ADGRV1: variants seen among roughly 807,000 people sequenced by gnomAD.
The protein encoded by ADGRV1 is G-protein coupled receptor 98.
In ADGRV1, 359 loss-of-function variants were observed where a neutral mutation model predicts 596.2. That is an observed-to-expected ratio of 0.60 (90% confidence interval 0.55 to 0.66). The LOEUF (loss-of-function observed/expected upper bound fraction) is 0.66. Among genes scored for constraint, ADGRV1 ranks in the 30% least tolerant of loss-of-function variants. ADGRV1 has a pLI of 0.00. For missense variants in ADGRV1, 7,274 were observed against 7,575.6 expected (o/e 0.96, Z 1.48); for synonymous variants, 2,681 against 2,679.2 (o/e 1.00, Z -0.02).
rs1435003118 is a variant in ADGRV1 at position 90,658,183 on chromosome 5, C to T, written c.4657C>T (p.Arg1553Cys). 1.1e-5 allele frequency: 17 copies of T among 1,584,228 alleles called. No individual in the cohort carries two copies. Among genetic ancestry groups the T allele is most frequent in the Middle Eastern group, 1.7e-4 (1 of 5,938 alleles). Reference protein sequence around the residue: ...LKLVSVYGGARISEENTTARL... With the variant: ...LKLVSVYGGACISEENTTARL... ...ACTAGTTTCTGTATATGGAGGAGCTCGTATTTCGGAAGAAAATACTACTGC... is the reference window on the plus strand; with the variant it reads ...ACTAGTTTCTGTATATGGAGGAGCTTGTATTTCGGAAGAAAATACTACTGC... Residue 1553 changes from arginine to cysteine, a missense_variant, in exon 21 of 90, where the codon CGT (arginine) becomes TGT (cysteine). By Grantham distance (180) the Arg-to-Cys change is radical. This residue lies in a region of ADGRV1 where 3,643 missense variants were observed against 3,809.2 expected (regional missense o/e 0.96). Coordinates refer to ENST00000405460, the MANE Select transcript of ADGRV1 (RefSeq NM_032119.4).
At chr5:90,857,053 T>C (rs897866776) in intron 82 of ADGRV1, among the ~76,000 whole-genome samples, 4 of 152,102 alleles carry the variant, frequency 2.6e-5, no homozygotes, top group African/African-American at 9.6e-5. Flanking sequence ...TATATAGTTA[T>C]AAATTTTCTT....
Position 90,745,679 on chromosome 5 carries a change from T to A in ADGRV1, c.10858T>A (p.Ser3620Thr), listed in dbSNP as rs774741141. 2 of 1,612,196 alleles carry A rather than the reference T, an allele frequency of 1.2e-6. No homozygotes were observed. Among genetic ancestry groups the A allele is most frequent in the Non-Finnish European group, 1.7e-6 (2 of 1,178,538 alleles). ...TGATACAGTTCCAGAAAAAGAAGAA[T>A]CCTTCAAAGTTCAACTTAAAAATCC... ...LDDTVPEKEE[S>T]FKVQLKNPKG... is the part of the protein sequence containing the mutation. Residue 3620 changes from serine to threonine, a missense_variant, in exon 52 of 90, where the codon TCC (serine) becomes ACC (threonine). Around this residue, in one of 5 missense-constraint regions of ADGRV1, gnomAD observed 3,643 missense variants for 3,809.2 expected, o/e 0.96. Coordinates refer to ENST00000405460, the MANE Select transcript of ADGRV1 (RefSeq NM_032119.4).
In ADGRV1 at chr5:90,658,291, C is replaced by T; in HGVS notation, c.4752+13C>T. The T allele has an allele frequency of 1.4e-6, 2 of 1,466,934 alleles. No homozygotes were observed. Among genetic ancestry groups the T allele is most frequent in the Non-Finnish European group, 1.8e-6 (2 of 1,107,752 alleles). The allele number at this position is 1,466,934 out of a possible 1,614,324, so 90.9% of individuals were successfully genotyped here. A position where few individuals can be genotyped will look rare whatever the true frequency, so the allele number is the denominator to read the frequency against. On this transcript the variant is annotated intron_variant, in intron 21 of 89. Transcript: ENST00000405460. ...TTGTATACCAGAGGTAAGTAGTGAG[C>T]TTGGAGAATTTTGGATTTAAAAATT...
chr5:90,809,004 T>C (rs1000290702), intron 73 of ADGRV1, among the ~76,000 whole-genome samples: 1 of 149,348 alleles, frequency 6.7e-6, no homozygotes, highest in Non-Finnish European at 1.5e-5. Context: ...CGGACTGTAG[T>C]GGTGCTAGCT....
chr5:90,694,352 A>C lies in ADGRV1; in HGVS notation c.7596A>C (p.Pro2532=). Residue 2532 remains proline (P), a synonymous_variant, in exon 33 of 90, where the codon CCA becomes CCC. Transcript: ENST00000405460. ...TGTCTATTCTTCCTGATGATTTCCC[A>C]GAGATGGATGAGAGTTTTCTAATTT... is the stretch of plus-strand genomic sequence containing the variant. ...LTVSILPDDF[P]EMDESFLISL... is the part of the protein sequence containing the mutation. 1 of 1,614,010 alleles carries C rather than the reference A, an allele frequency of 6.2e-7. No homozygotes were observed. Among genetic ancestry groups the C allele is most frequent in the Non-Finnish European group, 8.5e-7 (1 of 1,179,882 alleles).
In ADGRV1 at chr5:90,753,640, G is replaced by A; in HGVS notation, c.11188G>A (p.Glu3730Lys). 1.2e-6 allele frequency: 2 copies of A among 1,612,220 alleles called. No homozygotes were observed. The highest frequency in any genetic ancestry group is 4.5e-5 in the East Asian group (2 of 44,856). ...AACTATTCTTGCTGATAATATACCA[G>A]AGTTATCAGAGGTTGTGATTGTAAC... is the stretch of plus-strand genomic sequence containing the variant. ...TLTILADNIPELSEVVIVTLT... is the reference protein window; with the variant it reads ...TLTILADNIPKLSEVVIVTLT... Residue 3730 changes from glutamate (E) to lysine (K), a missense_variant, in exon 54 of 90, where the codon GAG (glutamate) becomes AAG (lysine). Coordinates refer to ENST00000405460, the MANE Select transcript of ADGRV1 (RefSeq NM_032119.4).
At chr5:91,045,306 G>A (rs956072108) in intron 85 of ADGRV1, among the ~76,000 whole-genome samples, 4 of 151,934 alleles carry the variant, frequency 2.6e-5, no homozygotes, top group East Asian at 3.8e-4. Flanking sequence ...ACTGGCTAAC[G>A]GAATCCAACA....
intron 85 of ADGRV1, among the ~76,000 whole-genome samples, chr5:91,029,481 A>T (rs1784308078): frequency 6.6e-6 from 1 of 152,194 alleles, no homozygotes; most frequent in Non-Finnish European, 1.5e-5. Flanking sequence ...TCTCTGGAAC[A>T]TGTAACTAGA....
chr5:91,090,462 A>G (rs555569152), intron 86 of ADGRV1, among the ~76,000 whole-genome samples: 1 of 152,106 alleles, frequency 6.6e-6, no homozygotes, highest in South Asian at 2.1e-4. Flanking sequence ...CTGACACTGG[A>G]CTGTCTTTTA....
chr5:90,860,215 C>A (rs1298944897), intron 82 of ADGRV1, among the ~76,000 whole-genome samples: 1 of 152,186 alleles, frequency 6.6e-6, no homozygotes, highest in Non-Finnish European at 1.5e-5. Flanking sequence ...CTCCTGGCAA[C>A]CTCACCACTC....
intron 85 of ADGRV1, 124 bp downstream of exon 85, chr5:90,985,646 C>T: frequency 1.6e-6 from 1 of 631,736 alleles, no homozygotes; most frequent in Non-Finnish European, 2.7e-6. Context: ...GTGTCTGAAG[C>T]TCTGCTTACT....
rs748875637 is a variant in ADGRV1 at position 91,102,223 on chromosome 5, T to G, written c.18315T>G (p.Ile6105Met). 6.8e-6 allele frequency: 11 copies of G among 1,606,618 alleles called. No homozygotes were observed. The South Asian group carries it at 1.0e-4, about 15-fold the overall frequency. The change falls in exon 87 of 90, where the codon ATT (isoleucine) becomes ATG (methionine). Residue 6105 changes from isoleucine to methionine, a missense_variant. By Grantham distance (10) the Ile-to-Met change is conservative. This residue lies in a region of ADGRV1 where 1,874 missense variants were observed against 1,970.2 expected (regional missense o/e 0.95). Coordinates refer to ENST00000405460, the MANE Select transcript of ADGRV1 (RefSeq NM_032119.4). The part of the protein sequence containing the change: ...VFRGRTNAAE[I>M]PLILYLFALI... ...TTCTTTTTTTTTTATTTCTAGAAAT[T>G]CCACTGATTTTATATCTCTTTGCTC...
intron 85 of ADGRV1, among the ~76,000 whole-genome samples, chr5:91,063,591 A>G (rs994970476): frequency 6.6e-6 from 1 of 152,206 alleles, no homozygotes; most frequent in Admixed American, 6.5e-5. Context: ...GATTTTTCCA[A>G]AATAGAAGAT....
Position 91,164,028 on chromosome 5 carries a change from A to G in ADGRV1, c.*128A>G. 1 of 702,198 alleles carries G rather than the reference A, an allele frequency of 1.4e-6. No individual in the cohort carries two copies. The highest frequency in any genetic ancestry group is 2.6e-6 in the Non-Finnish European group (1 of 384,316). The allele number at this position is 702,198 out of a possible 1,614,324, so 43.5% of individuals were successfully genotyped here. A position where few individuals can be genotyped will look rare whatever the true frequency, so the allele number is the denominator to read the frequency against. On this transcript the variant is annotated 3_prime_UTR_variant, in exon 90 of 90. Transcript: ENST00000405460. ...GTACTGGATGATTAATACAAACGTG[A>G]TTGTTGTATTTGGAGTATAAATTAC...
intron 83 of ADGRV1, among the ~76,000 whole-genome samples, chr5:90,893,413 C>G (rs1053688141): frequency 1.3e-5 from 2 of 152,118 alleles, no homozygotes; most frequent in African/African-American, 4.8e-5. Flanking sequence ...TGGTCGCACA[C>G]AACTACCCTA....
At chr5:90,752,589 A>C (rs1755387705) in intron 53 of ADGRV1, among the ~76,000 whole-genome samples, 1 of 152,186 alleles carries the variant, frequency 6.6e-6, no homozygotes. Flanking sequence ...GCTAAGGATA[A>C]TGGCCTCCAG....
At chr5:90,662,711 C>G (rs1185118741) in intron 21 of ADGRV1, among the ~76,000 whole-genome samples, 1 of 151,894 alleles carries the variant, frequency 6.6e-6, no homozygotes, top group Non-Finnish European at 1.5e-5. Flanking sequence ...TCTGCACCCA[C>G]TAACTCGTCA....
chr5:90,985,751 T>G lies in ADGRV1; in HGVS notation c.18152+229T>G, dbSNP rs961292973. Among the ~76,000 whole-genome samples the G allele has an allele frequency of 2.0e-5, 3 of 152,184 alleles. No individual in the cohort carries two copies. In the South Asian group the frequency reaches 6.2e-4, roughly 32 times the overall value. On this transcript the variant is annotated intron_variant, in intron 85 of 89. Transcript: ENST00000405460. ...AGTTGGTGTATCAAACAGTTCATGG[T>G]AATTTGTACCTTAGCATTTAGTTTA...
intron 85 of ADGRV1, among the ~76,000 whole-genome samples, chr5:91,066,416 T>C (rs993278575): frequency 1.3e-5 from 2 of 152,206 alleles, no homozygotes; most frequent in Non-Finnish European, 2.9e-5. Context: ...TTTTTTTTTC[T>C]CTCAAGGGTA....
Sources: allele counts gnomAD v4.1 joint callset (sites outside exome capture counted in the v4.1 genomes callset), GRCh38; gene constraint gnomAD v4.1.1; regional missense constraint gnomAD v4.1.1; transcripts MANE v1.5; gene names NCBI Gene and HGNC (gene_info 2026-07-23, HGNC 2026-07-21).